The following EPHB2 variants were observed in gnomAD, a reference collection of about 807,000 sequenced individuals.
EPHB2 encodes the protein ephrin type-B receptor 2.
In EPHB2, 18 loss-of-function variants were observed where a neutral mutation model predicts 96.4. The ratio of observed to expected loss-of-function variants is 0.19; its 90% CI spans 0.13 to 0.28. The LOEUF is 0.28. Among genes scored for constraint, EPHB2 ranks in the 10% least tolerant of loss-of-function variants. The pLI is 1.00. For synonymous variants in EPHB2, 506 were observed against 534.1 expected (o/e 0.95, Z 0.72); for missense variants, 989 against 1,355.4 (o/e 0.73, Z 4.25).
At chr1:22,911,913 C>A (rs916655232) in intron 14 of EPHB2, among the ~76,000 whole-genome samples, 2 of 152,194 alleles carry the variant, frequency 1.3e-5, no homozygotes, top group African/African-American at 4.8e-5. Context: ...CCATTTCACT[C>A]CTTGCCAGCC....
rs536846110 is a variant in EPHB2, at chr1:22,837,534, C to A, written c.812-25503C>A. Among the ~76,000 whole-genome samples the A allele has an allele frequency of 1.1e-4, 17 of 152,204 alleles. No homozygotes were observed. The East Asian group carries it at 3.3e-3, about 29-fold the overall frequency. On this transcript the variant is annotated intron_variant, in intron 3 of 15. Transcript: ENST00000374630. ...ATGAGAAAGTTGAGTCACAGGAGACCAAGTAACATACCCAGAGTTGCACAT... is the reference window on the plus strand; with the variant it reads ...ATGAGAAAGTTGAGTCACAGGAGACAAAGTAACATACCCAGAGTTGCACAT...
chr1:22,853,196 A>T (rs1297007172), intron 3 of EPHB2, among the ~76,000 whole-genome samples: 2 of 152,204 alleles, frequency 1.3e-5, no homozygotes, highest in African/African-American at 4.8e-5. Context: ...TAAAAATATG[A>T]TAAAAAATTA....
intron 3 of EPHB2, among the ~76,000 whole-genome samples, chr1:22,788,936 G>A (rs1452538038): frequency 1.3e-5 from 2 of 152,020 alleles, no homozygotes; most frequent in South Asian, 2.1e-4. Flanking sequence ...TGTATTTTTA[G>A]TAGAGATGGG....
rs1402515676 is a variant in EPHB2 at position 22,758,550 on chromosome 1, C to T, written c.62-22871C>T. 2.6e-5 allele frequency among the ~76,000 whole-genome samples: 4 copies of T among 152,088 alleles called. No individual in the cohort carries two copies. The South Asian group carries it at 6.2e-4, about 24-fold the overall frequency. On this transcript the variant is annotated intron_variant, in intron 1 of 15. Coordinates refer to ENST00000374630, the MANE Select transcript of EPHB2 (RefSeq NM_017449.5). ...CCAGGACAGCCACAAAGCAGGACAC[C>T]ATGCTGCCCTTGTGCCACGCCTGAG...
In EPHB2 at chr1:22,794,414, C is replaced by T. The variant is rs1866795; in HGVS notation, c.811+9338C>T. On this transcript the variant is annotated intron_variant, in intron 3 of 15. Coordinates refer to ENST00000374630, the MANE Select transcript of EPHB2 (RefSeq NM_017449.5). ...TTCCCCACCCTGGCTGACCTCTGGC[C>T]AGAGAGAAAAGCCCCCAGTCTGTCC... Among the ~76,000 whole-genome samples, 676 of 152,146 alleles carry T rather than the reference C, an allele frequency of 4.4e-3. 7 individuals carry two copies. Among genetic ancestry groups the T allele is most frequent in the African/African-American group, 0.015 (641 of 41,494 alleles).
At chr1:22,908,626 G>A (rs938170812) in intron 12 of EPHB2, among the ~76,000 whole-genome samples, 5 of 152,182 alleles carry the variant, frequency 3.3e-5, no homozygotes, top group Non-Finnish European at 5.9e-5. Flanking sequence ...AAGCAGCAAG[G>A]GTTGTTGAAG....
At position 22,846,612 on chromosome 1, in the gene EPHB2, A is replaced by C. The variant is rs1425259604; in HGVS notation, c.812-16425A>C. On this transcript the variant is annotated intron_variant, in intron 3 of 15. Transcript: ENST00000374630. This position sits in a 1 kb window ranked among gnomAD's most constrained non-coding sequence, Gnocchi z 4.3. ...TTGCCTCTCCAGCCTCGTGTCCTGC[A>C]TCTCTGCAACCATAGACTCTGGGTT... Among the ~76,000 whole-genome samples the C allele has an allele frequency of 6.6e-6, 1 of 152,086 alleles. No homozygotes were observed. Among genetic ancestry groups the C allele is most frequent in the African/African-American group, 2.4e-5 (1 of 41,404 alleles).
chr1:22,885,459 A>G (rs1486061325), intron 6 of EPHB2, among the ~76,000 whole-genome samples: 1 of 152,258 alleles, frequency 6.6e-6, no homozygotes, highest in Non-Finnish European at 1.5e-5. Flanking sequence ...CAGGACCTGC[A>G]GGATCTGCAG....
At chr1:22,725,325 T>C (rs903061968) in intron 1 of EPHB2, among the ~76,000 whole-genome samples, 2 of 151,374 alleles carry the variant, frequency 1.3e-5, no homozygotes, top group African/African-American at 4.9e-5. Context: ...GATTGTTGAG[T>C]GGTTGATGGT....
chr1:22,883,221 C>G (rs1639109546), intron 6 of EPHB2, among the ~76,000 whole-genome samples: 1 of 152,206 alleles, frequency 6.6e-6, no homozygotes, highest in Non-Finnish European at 1.5e-5. Context: ...AGCACAGCAC[C>G]CAGAATGGGA....
chr1:22,841,025 G>C (rs1002554985), intron 3 of EPHB2, among the ~76,000 whole-genome samples: 4 of 152,144 alleles, frequency 2.6e-5, no homozygotes, highest in Non-Finnish European at 4.4e-5. Context: ...AGACTAAGTA[G>C]CAATTACTAG....
At position 22,895,550 on chromosome 1, in the gene EPHB2, C is replaced by G; in HGVS notation, c.1670C>G (p.Ala557Gly). 6.2e-7 allele frequency: 1 copy of G among 1,614,272 alleles called. No individual in the cohort carries two copies. The highest frequency in any genetic ancestry group is 8.5e-7 in the Non-Finnish European group (1 of 1,180,052). Reference protein sequence around the residue: ...SSAAGLVFLIAVVVIAIVCNR... With the variant: ...SSAAGLVFLIGVVVIAIVCNR... The stretch of plus-strand genomic sequence containing the variant: ...GCCGCTGGCCTGGTCTTCCTCATTG[C>G]TGTGGTTGTCATCGCCATCGTGTGT... Residue 557 changes from alanine (A) to glycine (G), a missense_variant, in exon 8 of 16, where the codon GCT (alanine) becomes GGT (glycine). Transcript: ENST00000374630.
At chr1:22,901,895 G>A (rs571819616) in intron 9 of EPHB2, among the ~76,000 whole-genome samples, 2 of 151,680 alleles carry the variant, frequency 1.3e-5, no homozygotes, top group Admixed American at 6.6e-5. Flanking sequence ...GCACAAACAC[G>A]GCTTACTGCA....
At chr1:22,817,343 AT>A (rs1254716433) in intron 3 of EPHB2, among the ~76,000 whole-genome samples, 4 of 152,230 alleles carry the variant, frequency 2.6e-5, no homozygotes, top group Admixed American at 2.6e-4. Flanking sequence ...TATTATTCCC[AT>A]TTTACAGATG....
chr1:22,818,030 T>G (rs914693090), intron 3 of EPHB2, among the ~76,000 whole-genome samples: 1 of 152,164 alleles, frequency 6.6e-6, no homozygotes, highest in African/African-American at 2.4e-5. Context: ...ATGTCTGGGC[T>G]TTGGGATTCA....
At chr1:22,806,614 C>T (rs1410907409) in intron 3 of EPHB2, among the ~76,000 whole-genome samples, 1 of 152,176 alleles carries the variant, frequency 6.6e-6, no homozygotes, top group Non-Finnish European at 1.5e-5. Context: ...ACTGCGTGTG[C>T]TTGGCTCCTG....
At chr1:22,823,166 G>A (rs188378683) in intron 3 of EPHB2, among the ~76,000 whole-genome samples, 147 of 152,248 alleles carry the variant, frequency 9.7e-4, no homozygotes, top group Admixed American at 1.9e-3. Context: ...ACCCACCACG[G>A]CTCCCAAAAA....
In EPHB2 at chr1:22,741,687, AAC is replaced by A. The variant is rs1553160098; in HGVS notation, c.61+30646_61+30647del. On this transcript the variant is annotated intron_variant, in intron 1 of 15. Transcript: ENST00000374630. ...CCTGGTTTTCTTCCCAGCAAAAAAA[AAC>A]AAAAAAACAAAAAACCTCAGTTTCT... Among the ~76,000 whole-genome samples the A allele has an allele frequency of 1.3e-3, 189 of 142,892 alleles. 2 individuals are homozygous for A. Among genetic ancestry groups the A allele is most frequent in the African/African-American group, 4.6e-3 (179 of 38,814 alleles). 93.7% of individuals were successfully genotyped at this position (142,892 alleles called of 152,430 possible).
chr1:22,921,408 GATC>G lies in EPHB2; in HGVS notation c.*7840_*7842del, dbSNP rs1327415972. ...AGGAAATCTCACCAGCTGTGTCCAA[GATC>G]AACCCTGACCCTGTTACTCCAATGC... On this transcript the variant is annotated 3_prime_UTR_variant, in exon 16 of 16. Coordinates refer to ENST00000374630, the MANE Select transcript of EPHB2 (RefSeq NM_017449.5). The G allele has an allele frequency of 6.6e-6, 1 of 152,202 alleles. No homozygotes were observed. Among genetic ancestry groups the G allele is most frequent in the Non-Finnish European group, 1.5e-5 (1 of 68,046 alleles). 9.4% of individuals were successfully genotyped at this position (152,202 alleles called of 1,614,324 possible).
Sources: allele counts gnomAD v4.1 joint callset (sites outside exome capture counted in the v4.1 genomes callset), GRCh38; gene constraint gnomAD v4.1.1; non-coding constraint Gnocchi (gnomAD v3.1); transcripts MANE v1.5; gene names NCBI Gene and HGNC (gene_info 2026-07-23, HGNC 2026-07-21).